DSCAML1: variants seen among roughly 807,000 people sequenced by gnomAD.
The protein encoded by DSCAML1 is cell adhesion molecule DSCAML1.
Under a neutral mutation model 200.5 loss-of-function variants are expected in DSCAML1, and 38 were observed. The ratio of observed to expected loss-of-function variants is 0.19; its 90% CI spans 0.15 to 0.25. The LOEUF is 0.25. DSCAML1 is among the 10% of genes least tolerant of loss of function. DSCAML1 has a pLI of 1.00. For synonymous variants in DSCAML1, 1,215 were observed against 1,165.0 expected (o/e 1.04, Z -0.87); for missense variants, 2,223 against 2,858.8 (o/e 0.78, Z 5.07).
intron 2 of DSCAML1, among the ~76,000 whole-genome samples, chr11:117,777,163 C>G (rs1006902267): frequency 3.3e-5 from 5 of 152,206 alleles, no homozygotes; most frequent in African/African-American, 7.2e-5. Context: ...TACTGGGCAG[C>G]CTTTTCTCCC....
At chr11:117,715,540 A>G (rs1441618450) in intron 3 of DSCAML1, among the ~76,000 whole-genome samples, 1 of 152,240 alleles carries the variant, frequency 6.6e-6, no homozygotes, top group Non-Finnish European at 1.5e-5. Context: ...CTAGACAGCG[A>G]TAGCTCTTGC....
At chr11:117,511,252 A>C (rs1258565242) in intron 8 of DSCAML1, among the ~76,000 whole-genome samples, 1 of 151,954 alleles carries the variant, frequency 6.6e-6, no homozygotes, top group South Asian at 2.1e-4. Context: ...CTTGTCCTCC[A>C]CAGAAGCCTG....
At chr11:117,483,061 C>T (rs1378745126) in intron 11 of DSCAML1, among the ~76,000 whole-genome samples, 1 of 152,236 alleles carries the variant, frequency 6.6e-6, no homozygotes, top group African/African-American at 2.4e-5. Flanking sequence ...AGCCCCCGTC[C>T]CTACTGCTCA....
rs111401041 is a variant in DSCAML1 at position 117,790,742 on chromosome 11, G to C, written c.46+6292C>G. ...GCTCTGTAGGATAGCCAGGACGGGG[G>C]TAATTTTGCCCATTTTACAGATTAC... On this transcript the variant is annotated intron_variant, in intron 1 of 32. Coordinates refer to ENST00000651296, the MANE Select transcript of DSCAML1 (RefSeq NM_020693.4). Among the ~76,000 whole-genome samples the C allele has an allele frequency of 3.9e-3, 598 of 152,288 alleles. 4 individuals carry two copies. Among genetic ancestry groups the C allele is most frequent in the South Asian group, 0.011 (51 of 4,824 alleles).
intron 2 of DSCAML1, among the ~76,000 whole-genome samples, chr11:117,777,757 T>C (rs1257651551): frequency 6.6e-6 from 1 of 152,068 alleles, no homozygotes; most frequent in Non-Finnish European, 1.5e-5. Context: ...AGCTGGCTTC[T>C]AGGGCATTGC....
chr11:117,582,599 C>G (rs2051061272), intron 3 of DSCAML1, among the ~76,000 whole-genome samples: 1 of 152,174 alleles, frequency 6.6e-6, no homozygotes, highest in South Asian at 2.1e-4. Context: ...GTTACTCATG[C>G]TTGGATGGAC....
At position 117,758,391 on chromosome 11, in the gene DSCAML1, CTGTTTTGTTT is replaced by C. The variant is rs552776588; in HGVS notation, c.511+18390_511+18399del. Among the ~76,000 whole-genome samples the C allele has an allele frequency of 7.6e-3, 1,142 of 151,000 alleles. 8 individuals are homozygous for C. Among genetic ancestry groups the C allele is most frequent in the Middle Eastern group, 0.045 (13 of 290 alleles). On this transcript the variant is annotated intron_variant, in intron 3 of 32. Transcript: ENST00000651296. ...GTAAATAACATTGCAGTTGGCAGAA[CTGTTTTGTTT>C]TGTTTTGTTTTGTTTTTTGAGACGG...
intron 3 of DSCAML1, among the ~76,000 whole-genome samples, chr11:117,628,105 A>G (rs1279046234): frequency 6.6e-6 from 1 of 152,228 alleles, no homozygotes; most frequent in African/African-American, 2.4e-5. Flanking sequence ...ACACATCAGC[A>G]TGTCATTATT....
At chr11:117,691,118 C>T (rs1274759502) in intron 3 of DSCAML1, among the ~76,000 whole-genome samples, 1 of 152,178 alleles carries the variant, frequency 6.6e-6, no homozygotes, top group East Asian at 1.9e-4. Context: ...CAGGAAACAG[C>T]ATTTAGGGTG....
chr11:117,469,778 G>T lies in DSCAML1; in HGVS notation c.3024+132C>A. 1.3e-6 allele frequency: 1 copy of T among 748,764 alleles called. No individual in the cohort carries two copies. Among genetic ancestry groups the T allele is most frequent in the Non-Finnish European group, 2.0e-6 (1 of 505,256 alleles). The allele number at this position is 748,764 out of a possible 1,614,324, so 46.4% of individuals were successfully genotyped here. A position where few individuals can be genotyped will look rare whatever the true frequency, so the allele number is the denominator to read the frequency against. On this transcript the variant is annotated intron_variant, in intron 16 of 32. Coordinates refer to ENST00000651296, the MANE Select transcript of DSCAML1 (RefSeq NM_020693.4). The surrounding 1 kb of genome is among the most constrained non-coding windows in gnomAD (Gnocchi z 4.1). ...TCCTTCCATCTCTCAAATCTCACTAGGTTTAGTGACAAAACAGACATGGGC... is the reference window on the plus strand; with the variant it reads ...TCCTTCCATCTCTCAAATCTCACTATGTTTAGTGACAAAACAGACATGGGC...
rs915240729 is a variant in DSCAML1 at position 117,505,594 on chromosome 11, G to A, written c.1922C>T (p.Ser641Leu). Residue 641 changes from serine to leucine, a missense_variant, in exon 9 of 33, where the codon TCG becomes TTG. This residue lies in a region of DSCAML1 where 212 missense variants were observed against 368.0 expected (regional missense o/e 0.58). Transcript: ENST00000651296. This position sits in a 1 kb window ranked among gnomAD's most constrained non-coding sequence, Gnocchi z 6.7. The stretch of plus-strand genomic sequence containing the variant: ...TTCCTTGCTCTCGATGGTCACGCCC[G>A]AGCCTGAGATGATCACCTGTCCGTC... ...RKDGQVIISGSGVTIESKEFM... is the reference protein window; with the variant it reads ...RKDGQVIISGLGVTIESKEFM... 8.1e-6 allele frequency: 13 copies of A among 1,613,778 alleles called. No homozygotes were observed. The African/African-American group carries it at 1.2e-4, about 15-fold the overall frequency.
intron 3 of DSCAML1, among the ~76,000 whole-genome samples, chr11:117,635,447 GGTGTGTGTGTGTGTGTGTGT>G (rs201976004): frequency 6.8e-6 from 1 of 146,654 alleles, no homozygotes; most frequent in Non-Finnish European, 1.5e-5. Flanking sequence ...TAGTGTGTGT[GGTGTGTGTGTGTGTGTGTGT>G]GTGTGTGCGT....
upstream of DSCAML1, among the ~76,000 whole-genome samples, chr11:117,799,361 T>A (rs769163904): frequency 6.6e-6 from 1 of 152,188 alleles, no homozygotes; most frequent in Non-Finnish European, 1.5e-5. Flanking sequence ...GCGGCACAGC[T>A]GCTCCGTGCC....
chr11:117,637,938 C>T (rs2052325399), intron 3 of DSCAML1, among the ~76,000 whole-genome samples: 1 of 152,202 alleles, frequency 6.6e-6, no homozygotes, highest in Non-Finnish European at 1.5e-5. Flanking sequence ...AAACACCTAT[C>T]TACAAAGCAC....
chr11:117,746,458 G>A (rs559551972), intron 3 of DSCAML1, among the ~76,000 whole-genome samples: 7 of 152,114 alleles, frequency 4.6e-5, no homozygotes, highest in African/African-American at 7.2e-5. Context: ...TCTGCCTCTC[G>A]TCTTCTCTTG....
intron 3 of DSCAML1, among the ~76,000 whole-genome samples, chr11:117,706,543 G>A (rs572811812): frequency 1.6e-4 from 24 of 152,168 alleles, no homozygotes; most frequent in African/African-American, 1.2e-4. Flanking sequence ...TATCACAGGC[G>A]TTCTGGGCCG....
At chr11:117,555,210 C>T (rs2050539817) in intron 3 of DSCAML1, among the ~76,000 whole-genome samples, 1 of 152,240 alleles carries the variant, frequency 6.6e-6, no homozygotes, top group Admixed American at 6.5e-5. Context: ...TACTATTTAT[C>T]ACCTTTCTTA....
chr11:117,653,317 T>G (rs1464668762), intron 3 of DSCAML1, among the ~76,000 whole-genome samples: 1 of 152,118 alleles, frequency 6.6e-6, no homozygotes, highest in African/African-American at 2.4e-5. Context: ...TTCCAACACT[T>G]CAGATGATCT....
chr11:117,623,523 C>T (rs1312512417), intron 3 of DSCAML1, among the ~76,000 whole-genome samples: 1 of 152,148 alleles, frequency 6.6e-6, no homozygotes, highest in Non-Finnish European at 1.5e-5. Context: ...GCCTAACATG[C>T]TAAACTTGCA....
Sources: gnomAD v4.1 joint callset for allele counts (sites outside exome capture counted in the v4.1 genomes callset) on GRCh38, gnomAD v4.1.1 for gene constraint, gnomAD v4.1.1 regional missense constraint, Gnocchi (gnomAD v3.1) non-coding constraint, MANE v1.5 for transcripts, NCBI Gene and HGNC (gene_info 2026-07-23, HGNC 2026-07-21) for gene names.